The following RBFOX1 variants were observed in gnomAD, a reference collection of about 807,000 sequenced individuals.
RBFOX1 encodes RNA binding fox-1 homolog 1, also known as RNA binding protein fox-1 homolog 1.
A neutral mutation model predicts 57.7 loss-of-function variants in RBFOX1; 8 were observed. The observed-to-expected ratio is 0.14, with a 90% CI of 0.08 to 0.25. The LOEUF (loss-of-function observed/expected upper bound fraction) is 0.25. Among genes scored for constraint, RBFOX1 ranks in the 10% least tolerant of loss-of-function variants. The pLI is 1.00. For synonymous variants in RBFOX1, 326 were observed against 222.4 expected (o/e 1.47, Z -4.15); for missense variants, 611 against 548.5 (o/e 1.11, Z -1.14).
At chr16:7,050,749 C>G (rs977746462) in intron 3 of RBFOX1, among the ~76,000 whole-genome samples, 4 of 152,030 alleles carry the variant, frequency 2.6e-5, no homozygotes, top group Non-Finnish European at 4.4e-5. Flanking sequence ...TATCAGTATA[C>G]TATATTTTTT....
intron 4 of RBFOX1, among the ~76,000 whole-genome samples, chr16:7,403,283 C>T (rs2098275235): frequency 6.6e-6 from 1 of 152,028 alleles, no homozygotes; most frequent in Non-Finnish European, 1.5e-5. Context: ...GTATACAATA[C>T]AGTATCATTA....
At chr16:6,647,331 C>T (rs1414824246) in intron 2 of RBFOX1, among the ~76,000 whole-genome samples, 2 of 152,132 alleles carry the variant, frequency 1.3e-5, no homozygotes, top group African/African-American at 4.8e-5. Flanking sequence ...CTGCAACTTC[C>T]GCCTCCTGGG....
At chr16:6,706,648 A>G (rs1370581470) in intron 3 of RBFOX1, among the ~76,000 whole-genome samples, 1 of 151,604 alleles carries the variant, frequency 6.6e-6, no homozygotes, top group African/African-American at 2.4e-5. Flanking sequence ...CTGAAGGGCA[A>G]CACTGTTACA....
chr16:6,124,896 C>T (rs2096578074), intron 1 of RBFOX1, among the ~76,000 whole-genome samples: 1 of 152,186 alleles, frequency 6.6e-6, no homozygotes, highest in African/African-American at 2.4e-5. Context: ...TTTTAACCAT[C>T]TACAACCAGC....
intron 4 of RBFOX1, among the ~76,000 whole-genome samples, chr16:7,269,436 C>CTG (rs1178094779): frequency 6.6e-6 from 1 of 151,870 alleles, no homozygotes. Context: ...TTTGGGGTCT[C>CTG]TGTGTGTGTG....
chr16:7,352,254 G>A (rs2097142020), intron 4 of RBFOX1, among the ~76,000 whole-genome samples: 1 of 152,154 alleles, frequency 6.6e-6, no homozygotes, highest in South Asian at 2.1e-4. Flanking sequence ...ATACAGCTGT[G>A]CAGTGTAACC....
intron 4 of RBFOX1, among the ~76,000 whole-genome samples, chr16:7,226,882 A>G (rs959154938): frequency 6.6e-6 from 1 of 152,214 alleles, no homozygotes; most frequent in African/African-American, 2.4e-5. Flanking sequence ...GGACTTTATA[A>G]CTTGCAGATA....
chr16:5,366,774 T>G (rs1489585589), intron 1 of RBFOX1: 1 of 282,688 alleles, frequency 3.5e-6, no homozygotes, highest in African/African-American at 2.3e-5. Flanking sequence ...CTTTTTGTAA[T>G]GCAGAGTGAT....
At chr16:7,649,495 T>C (rs1397510972) in intron 11 of RBFOX1, among the ~76,000 whole-genome samples, 1 of 152,196 alleles carries the variant, frequency 6.6e-6, no homozygotes, top group East Asian at 1.9e-4. Context: ...TCATTTTTCC[T>C]AGCCTTCACT....
intron 3 of RBFOX1, among the ~76,000 whole-genome samples, chr16:6,985,351 C>G (rs535283920): frequency 6.6e-6 from 1 of 152,270 alleles, no homozygotes; most frequent in Non-Finnish European, 1.5e-5. Context: ...CACACACATA[C>G]ATACACAAAA....
chr16:7,391,376 A>C (rs75982548), intron 4 of RBFOX1, among the ~76,000 whole-genome samples: 2 of 152,158 alleles, frequency 1.3e-5, no homozygotes, highest in African/African-American at 4.8e-5. Context: ...AAGGATACCA[A>C]TTATAGGGGT....
At chr16:5,240,218 T>C (rs1239885279) in intron 1 of RBFOX1, 3 of 630,998 alleles carry the variant, frequency 4.8e-6, no homozygotes, top group African/African-American at 3.9e-5. Flanking sequence ...AGTTGGTAAC[T>C]GAGTGGCAAC....
At chr16:6,165,257 TA>T (rs903996405) in intron 1 of RBFOX1, among the ~76,000 whole-genome samples, 4 of 152,232 alleles carry the variant, frequency 2.6e-5, no homozygotes, top group African/African-American at 9.6e-5. Flanking sequence ...AAGTGCTTAA[TA>T]AATGACAGCT....
intron 4 of RBFOX1, among the ~76,000 whole-genome samples, chr16:7,318,820 T>C (rs1281612045): frequency 1.3e-5 from 2 of 152,030 alleles, no homozygotes; most frequent in African/African-American, 2.4e-5. Context: ...GTAGAACAGG[T>C]GTGTGGTGAG....
chr16:6,861,984 A>G (rs775697977), intron 3 of RBFOX1, among the ~76,000 whole-genome samples: 3 of 152,036 alleles, frequency 2.0e-5, no homozygotes, highest in Non-Finnish European at 2.9e-5. Flanking sequence ...GAATCAAAGA[A>G]AAGCTGTGAT....
At chr16:6,904,237 C>G (rs1430775828) in intron 3 of RBFOX1, among the ~76,000 whole-genome samples, 1 of 152,072 alleles carries the variant, frequency 6.6e-6, no homozygotes, top group Non-Finnish European at 1.5e-5. Context: ...GTGTTCTAAA[C>G]TGTCATTTGC....
intron 3 of RBFOX1, among the ~76,000 whole-genome samples, chr16:5,731,657 A>T (rs2052378253): frequency 6.6e-6 from 1 of 152,198 alleles, no homozygotes; most frequent in South Asian, 2.1e-4. Context: ...CAAGTGAAAA[A>T]GGGAGAGCTA....
At chr16:7,192,279 T>A (rs746745922) in intron 4 of RBFOX1, among the ~76,000 whole-genome samples, 2 of 152,200 alleles carry the variant, frequency 1.3e-5, no homozygotes, top group Non-Finnish European at 2.9e-5. Flanking sequence ...AGAGAGAGTT[T>A]CCTTGTGAAT....
At chr16:6,665,800 T>C (rs1006943724) in intron 3 of RBFOX1, among the ~76,000 whole-genome samples, 3 of 152,188 alleles carry the variant, frequency 2.0e-5, no homozygotes, top group East Asian at 1.9e-4. Flanking sequence ...ATTGAATCCT[T>C]AGAAAGATCC....
Sources: gnomAD v4.1 joint callset for allele counts (sites outside exome capture counted in the v4.1 genomes callset) on GRCh38, gnomAD v4.1.1 for gene constraint, MANE v1.5 for transcripts, NCBI Gene and HGNC (gene_info 2026-07-23, HGNC 2026-07-21) for gene names.